The following FAT2 variants were observed in gnomAD, a reference collection of about 807,000 sequenced individuals.
FAT2 encodes the protein FAT atypical cadherin 2.
Under a neutral mutation model 295.3 loss-of-function variants are expected in FAT2, and 150 were observed. That is an observed-to-expected ratio of 0.51 (90% CI 0.44 to 0.58). The LOEUF is 0.58. FAT2 is among the 20% of genes least tolerant of loss of function. The pLI, the probability that FAT2 is intolerant of heterozygous loss-of-function variation, is 0.00. For synonymous variants in FAT2, 2,026 were observed against 2,150.3 expected (o/e 0.94, Z 1.60); for missense variants, 4,868 against 5,442.7 (o/e 0.89, Z 3.32).
At chr5:151,571,934 C>T (rs1249477445) in intron 1 of FAT2, among the ~76,000 whole-genome samples, 1 of 152,178 alleles carries the variant, frequency 6.6e-6, no homozygotes, top group African/African-American at 2.4e-5. Context: ...GCTACTTCTC[C>T]AGTTCACAAG....
At chr5:151,584,500 G>T (rs995793376) in intron 1 of FAT2, among the ~76,000 whole-genome samples, 1 of 152,096 alleles carries the variant, frequency 6.6e-6, no homozygotes, top group South Asian at 2.1e-4. Context: ...AGGTCATACC[G>T]CTAGCAAGTG....
rs764614067 is a variant in FAT2 at position 151,549,502 on chromosome 5, G to A, written c.4582C>T (p.Arg1528Ter). 3 of 1,614,054 alleles carry A rather than the reference G, an allele frequency of 1.9e-6. No individual in the cohort carries two copies. The highest frequency in any genetic ancestry group is 2.5e-6 in the Non-Finnish European group (3 of 1,179,964). ...PSQHTLTVMV[R>*]DQEIPIKRNF... ...CTCTTGATAGGTATTTCCTGGTCTC[G>A]GACCTATGGGCCCAAAGGGGGTAAT... Residue 1528 changes from arginine to a stop codon, truncating the protein, a stop_gained, in exon 9 of 24, where the codon CGA (arginine) becomes TGA (stop). Coordinates refer to ENST00000261800, the MANE Select transcript of FAT2 (RefSeq NM_001447.3). LOFTEE classifies it high-confidence loss of function.
At chr5:151,586,034 A>C (rs1341660620) in intron 1 of FAT2, among the ~76,000 whole-genome samples, 1 of 152,228 alleles carries the variant, frequency 6.6e-6, no homozygotes, top group Non-Finnish European at 1.5e-5. Flanking sequence ...TGCCATACTG[A>C]TAGCCATCTC....
At position 151,554,579 on chromosome 5, in the gene FAT2, G is replaced by A. The variant is rs757012358; in HGVS notation, c.3728C>T (p.Ser1243Phe). Reference protein sequence around the residue: ...LDVNDNPPIFSHKLFNVRLPE... With the variant: ...LDVNDNPPIFFHKLFNVRLPE... ...AAGGCGGACATTGAAGAGCTTGTGG[G>A]AGAATATAGGTGGATTGTCATTGAC... The change falls in exon 5 of 24, where the codon TCC becomes TTC. Residue 1243 changes from serine (S) to phenylalanine (F), a missense_variant. Transcript: ENST00000261800. 1.2e-6 allele frequency: 2 copies of A among 1,614,210 alleles called. No individual in the cohort carries two copies. Among genetic ancestry groups the A allele is most frequent in the South Asian group, 2.2e-5 (2 of 91,084 alleles).
In FAT2 at chr5:151,506,047, G is replaced by A. The variant is rs199958913; in HGVS notation, c.12568C>T (p.Arg4190Cys). Residue 4190 changes from arginine (R) to cysteine (C), a missense_variant, in exon 24 of 24, where the codon CGC becomes TGC. This residue lies in a region of FAT2 where 492 missense variants were observed against 482.6 expected (regional missense o/e 1.02). Coordinates refer to ENST00000261800, the MANE Select transcript of FAT2 (RefSeq NM_001447.3). Reference protein sequence around the residue: ...VWPPTYSRNERWEYPHSEVTQ... With the variant: ...VWPPTYSRNECWEYPHSEVTQ... ...ACTTCGGAGTGGGGGTATTCCCAGCGTTCGTTCCTGGAGTAAGTAGGGGGC... is the reference window on the plus strand; with the variant it reads ...ACTTCGGAGTGGGGGTATTCCCAGCATTCGTTCCTGGAGTAAGTAGGGGGC... 8.4e-5 allele frequency: 131 copies of A among 1,559,840 alleles called. No individual in the cohort carries two copies. Among genetic ancestry groups the A allele is most frequent in the Non-Finnish European group, 1.0e-4 (117 of 1,159,118 alleles).
At chr5:151,508,106 A>T (rs61708198) in intron 22 of FAT2, among the ~76,000 whole-genome samples, 1,866 of 152,200 alleles carry the variant, frequency 0.012, 40 homozygotes, top group African/African-American at 0.042. Context: ...AAGCATGCGA[A>T]CTCTCAGGGT....
rs772840951 is a variant in FAT2, at chr5:151,544,984, G to A, written c.6143C>T (p.Pro2048Leu). ...GACCAAACCCTGAGCCACCCGCTGA[G>A]GTGTCCGATTGTCCCTCACTTCCAC... The part of the protein sequence containing the change: ...LAVEVRDNRT[P>L]QRVAQGLVRV... The change falls in exon 10 of 24, where the codon CCT becomes CTT. Residue 2048 changes from proline to leucine, a missense_variant. Pro to Leu is a moderately conservative substitution (Grantham distance 98, BLOSUM62 -3). Coordinates refer to ENST00000261800, the MANE Select transcript of FAT2 (RefSeq NM_001447.3). 6 of 1,614,168 alleles carry A rather than the reference G, an allele frequency of 3.7e-6. No individual in the cohort carries two copies. The South Asian group carries it at 5.5e-5, about 15-fold the overall frequency.
chr5:151,568,670 C>T lies in FAT2; in HGVS notation c.262G>A (p.Val88Met). The change falls in exon 2 of 24, where the codon GTG (valine) becomes ATG (methionine). Residue 88 changes from valine (V) to methionine (M), a missense_variant. Val to Met is a conservative substitution (Grantham distance 21, BLOSUM62 1). Coordinates refer to ENST00000261800, the MANE Select transcript of FAT2 (RefSeq NM_001447.3). ...CTTAGGAAGCAGAAGTTGCCCACCACATACTCCTCAGTTTTAAATACATTG... is the reference window on the plus strand; with the variant it reads ...CTTAGGAAGCAGAAGTTGCCCACCATATACTCCTCAGTTTTAAATACATTG... The part of the protein sequence containing the change: ...VANVFKTEEY[V>M]VGNFCFLRIR... 6.2e-7 allele frequency: 1 copy of T among 1,614,216 alleles called. No homozygotes were observed. The highest frequency in any genetic ancestry group is 8.5e-7 in the Non-Finnish European group (1 of 1,180,052).
At chr5:151,573,072 A>G (rs777281166) in intron 1 of FAT2, among the ~76,000 whole-genome samples, 1 of 152,162 alleles carries the variant, frequency 6.6e-6, no homozygotes, top group Non-Finnish European at 1.5e-5. Flanking sequence ...TTTAGGATAT[A>G]TGTATGAACC....
chr5:151,524,443 A>AGCG (rs1554125159), intron 18 of FAT2, among the ~76,000 whole-genome samples: 1 of 16,956 alleles, frequency 5.9e-5, no homozygotes, highest in Non-Finnish European at 1.4e-4. Context: ...GGGCCATGTG[A>AGCG]TACAATGAGA....
In FAT2 at chr5:151,556,362, C is replaced by G; in HGVS notation, c.3615G>C (p.Lys1205Asn). Residue 1205 changes from lysine (K) to asparagine (N), a missense_variant, in exon 4 of 24, where the codon AAG becomes AAC. By Grantham distance (94) the Lys-to-Asn change is moderately conservative. Coordinates refer to ENST00000261800, the MANE Select transcript of FAT2 (RefSeq NM_001447.3). ...TACTTACCTCCAGGATGTGTTCATC[C>G]TTGTTCTCTCTGTCCAGCTGCTGGG... Reference protein sequence around the residue: ...STAQQLDRENKDEHILEVTVL... With the variant: ...STAQQLDRENNDEHILEVTVL... The G allele has an allele frequency of 6.2e-7, 1 of 1,613,866 alleles. No homozygotes were observed. The highest frequency in any genetic ancestry group is 8.5e-7 in the Non-Finnish European group (1 of 1,179,814).
intron 1 of FAT2, among the ~76,000 whole-genome samples, chr5:151,572,293 G>C (rs1236806423): frequency 6.6e-6 from 1 of 152,094 alleles, no homozygotes; most frequent in African/African-American, 2.4e-5. Context: ...GTTGAGAAAT[G>C]GAAGAATCTA....
intron 1 of FAT2, among the ~76,000 whole-genome samples, chr5:151,586,517 G>A (rs1759178210): frequency 6.6e-6 from 1 of 152,190 alleles, no homozygotes; most frequent in South Asian, 2.1e-4. Context: ...ATGGGTAGTG[G>A]TGGAATATCA....
In FAT2 at chr5:151,568,886, C is replaced by A. The variant is rs756260868; in HGVS notation, c.46G>T (p.Ala16Ser). 5.0e-6 allele frequency: 8 copies of A among 1,613,506 alleles called. No homozygotes were observed. In the East Asian group the frequency reaches 1.8e-4, roughly 36 times the overall value. The stretch of plus-strand genomic sequence containing the variant: ...CCTTCTAGAGGCTTCTCACAGGTCG[C>A]ACAATGGAGCAAGAATATGGCAAAA... ...LGFAIFLLHC[A>S]TCEKPLEGIL... Residue 16 changes from alanine (A) to serine (S), a missense_variant, in exon 2 of 24, where the codon GCG becomes TCG. By Grantham distance (99) the Ala-to-Ser change is moderately conservative. Transcript: ENST00000261800.
Position 151,546,153 on chromosome 5 carries a change from G to T in FAT2, c.4974C>A (p.Pro1658=). The T allele has an allele frequency of 6.2e-7, 1 of 1,614,124 alleles. No homozygotes were observed. Among genetic ancestry groups the T allele is most frequent in the South Asian group, 1.1e-5 (1 of 91,086 alleles). ...IHVYPSDRSA[P]IFSKSEYFVE... ...CAAAGTACTCAGATTTTGAAAAGAT[G>T]GGGGCACTCCTATCTGAGGGATAGA... is the stretch of plus-strand genomic sequence containing the variant. The change falls in exon 10 of 24, where the codon CCC becomes CCA. Residue 1658 remains proline (P), a synonymous_variant. Transcript: ENST00000261800.
intron 20 of FAT2, among the ~76,000 whole-genome samples, chr5:151,513,391 CACCATGGACA>C (rs1561815234): frequency 1.3e-5 from 2 of 152,186 alleles, no homozygotes; most frequent in Non-Finnish European, 2.9e-5. Context: ...GGTACAGATA[CACCATGGACA>C]ACCATTCAGC....
At chr5:151,537,704 TTTC>T (rs1755597571) in intron 12 of FAT2, 86 bp downstream of exon 12, 1 of 1,333,522 alleles carries the variant, frequency 7.5e-7, no homozygotes, top group East Asian at 2.3e-5. Flanking sequence ...TGAATTCCTG[TTTC>T]TTCTCCAAGG....
In FAT2 at chr5:151,568,006, C is replaced by T. The variant is rs1758359699; in HGVS notation, c.926G>A (p.Ser309Asn). 5 of 1,614,212 alleles carry T rather than the reference C, an allele frequency of 3.1e-6. No homozygotes were observed. The highest frequency in any genetic ancestry group is 2.2e-5 in the East Asian group (1 of 44,884). The change falls in exon 2 of 24, where the codon AGC (serine) becomes AAC (asparagine). Residue 309 changes from serine (S) to asparagine (N), a missense_variant. Physicochemically the swap from Ser to Asn is conservative, Grantham distance 46. Around this residue, in one of 5 missense-constraint regions of FAT2, gnomAD observed 3,297 missense variants for 3,669.4 expected, o/e 0.90. Coordinates refer to ENST00000261800, the MANE Select transcript of FAT2 (RefSeq NM_001447.3). ...GACAGACACCAAACTGAACTCATTG[C>T]TCCGGGCATAAGACTTGATGGCTTT... ...HFKAIKSYAR[S>N]NEFSLVSVKD...
intron 11 of FAT2, among the ~76,000 whole-genome samples, chr5:151,538,677 T>G (rs1755759975): frequency 1.3e-5 from 2 of 152,142 alleles, no homozygotes; most frequent in Non-Finnish European, 2.9e-5. Context: ...TTTATTTATT[T>G]TCTTGTTTTC....
Sources: allele counts gnomAD v4.1 joint callset (sites outside exome capture counted in the v4.1 genomes callset), GRCh38; gene constraint gnomAD v4.1.1; regional missense constraint gnomAD v4.1.1; transcripts MANE v1.5; gene names NCBI Gene and HGNC (gene_info 2026-07-23, HGNC 2026-07-21).